Variants in SLC16A9 observed in about 807,000 individuals in gnomAD.
SLC16A9 encodes solute carrier family 16 member 9, also known as monocarboxylate transporter 9.
A neutral mutation model predicts 44.3 loss-of-function variants in SLC16A9; 26 were observed. That is an observed-to-expected ratio of 0.59 (90% CI 0.43 to 0.81). The LOEUF is 0.81. SLC16A9 is among the 40% of genes least tolerant of loss of function. The probability of loss-of-function intolerance (pLI) is 0.00; values close to 1 mark genes in which losing one functional copy is unlikely to be tolerated. For synonymous variants in SLC16A9, 230 were observed against 225.1 expected (o/e 1.02, Z -0.19); for missense variants, 559 against 595.8 (o/e 0.94, Z 0.64).
At chr10:59,663,286 G>A (rs1244504164) in intron 4 of SLC16A9, among the ~76,000 whole-genome samples, 3 of 152,018 alleles carry the variant, frequency 2.0e-5, no homozygotes, top group Non-Finnish European at 2.9e-5. Flanking sequence ...ACTTGAACCC[G>A]GGAGGCAGAG....
In SLC16A9 at chr10:59,652,994, A is replaced by G. The variant is rs7097536; in HGVS notation, c.1352-44T>C. 5.4e-3 allele frequency: 8,021 copies of G among 1,480,350 alleles called. 379 individuals carry two copies. The African/African-American group carries it at 0.1, about 18-fold the overall frequency. The allele number at this position is 1,480,350 out of a possible 1,614,324, so 91.7% of individuals were successfully genotyped here. ...AAAAAGTAAGTTTCATGGAAATAGT[A>G]TGAACATCCATCCCATACCCTAATT... is the stretch of plus-strand genomic sequence containing the variant. On this transcript the variant is annotated intron_variant, in intron 5 of 5. Transcript: ENST00000395348.
At chr10:59,685,382 C>T (rs1840109333) in intron 1 of SLC16A9, among the ~76,000 whole-genome samples, 1 of 152,332 alleles carries the variant, frequency 6.6e-6, no homozygotes, top group East Asian at 1.9e-4. Context: ...AGCCTTATCT[C>T]CTCCACAGGT....
At chr10:59,663,760 T>C (rs1055072900) in intron 4 of SLC16A9, among the ~76,000 whole-genome samples, 3 of 151,988 alleles carry the variant, frequency 2.0e-5, no homozygotes, top group Admixed American at 6.6e-5. Flanking sequence ...AATATAATAA[T>C]AATAAATAAT....
intron 1 of SLC16A9, among the ~76,000 whole-genome samples, chr10:59,691,652 G>A (rs1413356651): frequency 6.6e-6 from 1 of 152,148 alleles, no homozygotes; most frequent in Non-Finnish European, 1.5e-5. Context: ...AAGGAGAGTT[G>A]GCAAGTTCTA....
chr10:59,692,247 A>G (rs1399013263), intron 1 of SLC16A9, among the ~76,000 whole-genome samples: 1 of 152,210 alleles, frequency 6.6e-6, no homozygotes, highest in African/African-American at 2.4e-5. Flanking sequence ...GAGGTGAATC[A>G]AAAATCTAAA....
At chr10:59,703,527 C>A (rs1209286372) in intron 1 of SLC16A9, among the ~76,000 whole-genome samples, 1 of 152,056 alleles carries the variant, frequency 6.6e-6, no homozygotes, top group Non-Finnish European at 1.5e-5. Flanking sequence ...GGGAGTACTA[C>A]CATATGTTTT....
chr10:59,653,038 G>T, intron 5 of SLC16A9, 88 bp from the exon 6 acceptor site: 2 of 932,074 alleles, frequency 2.1e-6, no homozygotes, highest in Non-Finnish European at 3.1e-6. Context: ...TTTATATATA[G>T]TTATAATTAG....
intron 1 of SLC16A9, among the ~76,000 whole-genome samples, chr10:59,689,714 C>A (rs983409369): frequency 6.6e-6 from 1 of 152,168 alleles, no homozygotes; most frequent in Non-Finnish European, 1.5e-5. Context: ...TCTTTACCTG[C>A]AGCTGAATAA....
At chr10:59,705,158 C>T (rs1045140065) in intron 1 of SLC16A9, among the ~76,000 whole-genome samples, 18 of 151,520 alleles carry the variant, frequency 1.2e-4, no homozygotes, top group Admixed American at 2.6e-4. Context: ...CATAAAAATA[C>T]GAGATCCCAT....
At chr10:59,700,500 A>G (rs184145043) in intron 1 of SLC16A9, among the ~76,000 whole-genome samples, 1 of 152,176 alleles carries the variant, frequency 6.6e-6, no homozygotes, top group Non-Finnish European at 1.5e-5. Context: ...CAAATGAAGA[A>G]CTCCATTTTA....
chr10:59,661,134 G>A (rs900472648), intron 4 of SLC16A9, among the ~76,000 whole-genome samples: 2 of 152,194 alleles, frequency 1.3e-5, no homozygotes, highest in African/African-American at 4.8e-5. Context: ...ATTCATCATA[G>A]TATTGGAAGT....
chr10:59,691,658 T>C (rs1011252838), intron 1 of SLC16A9, among the ~76,000 whole-genome samples: 38 of 152,200 alleles, frequency 2.5e-4, no homozygotes, highest in African/African-American at 9.2e-4. Flanking sequence ...AGTTGGCAAG[T>C]TCTAATCCCT....
chr10:59,658,202 C>T (rs1839391572), intron 4 of SLC16A9, among the ~76,000 whole-genome samples: 1 of 151,608 alleles, frequency 6.6e-6, no homozygotes, highest in Non-Finnish European at 1.5e-5. Context: ...AATCCACCTA[C>T]AACCTGGAAG....
In SLC16A9 at chr10:59,664,228, T is replaced by A. The variant is rs759835645; in HGVS notation, c.435A>T (p.Thr145=). The part of the protein sequence containing the change: ...RRGLALGLIS[T]GSSVGLFIYA... ...ACTGTACTCATTTTGAAAATATACC[T>A]GTTGAAATCAGGCCAAGCGCTAGGC... The change falls in exon 4 of 6, where the codon ACA becomes ACT. Residue 145 remains threonine, a splice_region_variant and synonymous_variant. Transcript: ENST00000395348. The A allele has an allele frequency of 6.2e-7, 1 of 1,605,476 alleles. No homozygotes were observed. Among genetic ancestry groups the A allele is most frequent in the South Asian group, 1.1e-5 (1 of 90,402 alleles).
At chr10:59,698,732 C>CTTT (rs1020298939) in intron 1 of SLC16A9, among the ~76,000 whole-genome samples, 1 of 144,586 alleles carries the variant, frequency 6.9e-6, no homozygotes, top group Admixed American at 6.9e-5. Flanking sequence ...CTTTGTCTCT[C>CTTT]TTTTTTTTTT....
At chr10:59,677,852 T>C (rs1046723166) in intron 2 of SLC16A9, among the ~76,000 whole-genome samples, 8 of 152,118 alleles carry the variant, frequency 5.3e-5, no homozygotes, top group Non-Finnish European at 8.8e-5. Flanking sequence ...ACGCACTTTT[T>C]TTTTTAAGTT....
intron 1 of SLC16A9, among the ~76,000 whole-genome samples, chr10:59,696,983 G>A (rs1840402112): frequency 1.4e-5 from 2 of 138,104 alleles, no homozygotes; most frequent in Admixed American, 7.1e-5. Context: ...AGGGAGGTGG[G>A]GGGGTCAGCC....
intron 1 of SLC16A9, among the ~76,000 whole-genome samples, chr10:59,686,757 T>C (rs1840143058): frequency 6.6e-6 from 1 of 152,212 alleles, no homozygotes; most frequent in East Asian, 1.9e-4. Flanking sequence ...TCTCCTTATA[T>C]GTCTTAAATT....
chr10:59,694,470 A>G (rs897357233), intron 1 of SLC16A9, among the ~76,000 whole-genome samples: 3 of 152,072 alleles, frequency 2.0e-5, no homozygotes, highest in Non-Finnish European at 4.4e-5. Context: ...AAAATAGTCT[A>G]TATATTAAGA....
Sources: gnomAD v4.1 joint callset for allele counts (sites outside exome capture counted in the v4.1 genomes callset) on GRCh38, gnomAD v4.1.1 for gene constraint, MANE v1.5 for transcripts, NCBI Gene and HGNC (gene_info 2026-07-23, HGNC 2026-07-21) for gene names.